PNPT1: variants seen among roughly 807,000 people sequenced by gnomAD.
PNPT1 encodes the protein polyribonucleotide nucleotidyltransferase 1, mitochondrial.
In PNPT1, 53 loss-of-function variants were observed where a neutral mutation model predicts 119.5. The observed-to-expected ratio is 0.44, with a 90% CI of 0.36 to 0.56. The LOEUF (loss-of-function observed/expected upper bound fraction) is 0.56, where lower values mean the gene tolerates loss of function less well. PNPT1 is among the 20% of genes least tolerant of loss of function. PNPT1 has a pLI of 0.00. For synonymous variants in PNPT1, 357 were observed against 322.1 expected (o/e 1.11, Z -1.16); for missense variants, 948 against 938.5 (o/e 1.01, Z -0.13).
intron 23 of PNPT1, 82 bp from the exon 24 acceptor site, chr2:55,643,507 G>T (rs1458768380): frequency 4.2e-6 from 5 of 1,191,296 alleles, no homozygotes; most frequent in Non-Finnish European, 4.9e-6. Context: ...CACTCTGGGG[G>T]GCTGAGGTGG....
chr2:55,658,866 A>C (rs1696472859), intron 15 of PNPT1, among the ~76,000 whole-genome samples: 1 of 152,252 alleles, frequency 6.6e-6, no homozygotes, highest in Non-Finnish European at 1.5e-5. Flanking sequence ...ATTCAGCAAG[A>C]GTGAAATGCT....
chr2:55,656,627 A>G (rs2104074282), intron 15 of PNPT1, among the ~76,000 whole-genome samples: 1 of 152,324 alleles, frequency 6.6e-6, no homozygotes, highest in South Asian at 2.1e-4. Context: ...TACACCATAA[A>G]TTTCCATTAC....
At chr2:55,681,455 C>T (rs945350067) in intron 5 of PNPT1, among the ~76,000 whole-genome samples, 1 of 151,974 alleles carries the variant, frequency 6.6e-6, no homozygotes, top group African/African-American at 2.4e-5. Flanking sequence ...CCAAAGGGTT[C>T]CTATGAGAAT....
chr2:55,678,653 T>G (rs1204260594), intron 8 of PNPT1, among the ~76,000 whole-genome samples: 1 of 152,210 alleles, frequency 6.6e-6, no homozygotes, highest in East Asian at 1.9e-4. Flanking sequence ...AAAAGGAATC[T>G]AGATTTCTTA....
In PNPT1 at chr2:55,693,721, C is replaced by G; in HGVS notation, c.103G>C (p.Val35Leu). The stretch of plus-strand genomic sequence containing the variant: ...CCTGCGCTACTCCATAGTGCTCGCA[C>G]TTGCAACTGGGTGAGTGCCCGATCC... ...RRDRALTQLQVRALWSSAGSR... is the reference protein window; with the variant it reads ...RRDRALTQLQLRALWSSAGSR... The change falls in exon 1 of 28, where the codon GTG becomes CTG. Residue 35 changes from valine to leucine, a missense_variant. Physicochemically the swap from Val to Leu is conservative, Grantham distance 32. Transcript: ENST00000447944. 1 of 1,614,232 alleles carries G rather than the reference C, an allele frequency of 6.2e-7. No individual in the cohort carries two copies. The highest frequency in any genetic ancestry group is 8.5e-7 in the Non-Finnish European group (1 of 1,180,040).
rs1697402387 is a variant in PNPT1, at chr2:55,686,238, T to C, written c.297+132A>G. ...TTTATACTCTTTTAATGAATCAGTA[T>C]CAAAAAACTAGGAAAAATTCTTTGT... On this transcript the variant is annotated intron_variant, in intron 3 of 27. Transcript: ENST00000447944. 6.9e-6 allele frequency: 5 copies of C among 725,558 alleles called. No individual in the cohort carries two copies. In the East Asian group the frequency reaches 1.2e-4, roughly 17 times the overall value. The allele number at this position is 725,558 out of a possible 1,614,324, so 44.9% of individuals were successfully genotyped here.
intron 5 of PNPT1, among the ~76,000 whole-genome samples, chr2:55,683,383 G>A (rs576692289): frequency 6.6e-6 from 1 of 151,544 alleles, no homozygotes; most frequent in South Asian, 2.1e-4. Flanking sequence ...GGGAGGCCGA[G>A]GGGGGCGGAT....
intron 1 of PNPT1, 77 bp downstream of exon 1, chr2:55,693,586 C>T: frequency 1.3e-6 from 2 of 1,572,682 alleles, no homozygotes; most frequent in South Asian, 1.1e-5. Flanking sequence ...CGGGTTTCTA[C>T]CCTGGGAGAT....
chr2:55,640,489 C>T (rs1695803426), intron 26 of PNPT1, 138 bp downstream of exon 26: 2 of 759,064 alleles, frequency 2.6e-6, no homozygotes, highest in Admixed American at 3.0e-5. Flanking sequence ...AACTTTTTGC[C>T]AGCAGCATCT....
intron 12 of PNPT1, among the ~76,000 whole-genome samples, chr2:55,667,301 A>C (rs1213089693): frequency 6.6e-6 from 1 of 151,792 alleles, no homozygotes; most frequent in Admixed American, 6.6e-5. Flanking sequence ...TTGTTAAAAA[A>C]CTCTACAGGT....
chr2:55,687,876 A>C (rs930334336), intron 1 of PNPT1, among the ~76,000 whole-genome samples, 171 bp from the exon 2 acceptor site: 2 of 152,204 alleles, frequency 1.3e-5, no homozygotes, highest in Admixed American at 6.5e-5. Context: ...AGTGGAATTT[A>C]AGAGTGGCTT....
intron 26 of PNPT1, among the ~76,000 whole-genome samples, chr2:55,638,751 C>G (rs1412867692): frequency 6.6e-6 from 1 of 152,132 alleles, no homozygotes; most frequent in South Asian, 2.1e-4. Context: ...AATGGACCCT[C>G]TGTGCTTACT....
rs547335931 is a variant in PNPT1 at position 55,679,909 on chromosome 2, T to C, written c.566-114A>G. The C allele has an allele frequency of 6.3e-4, 445 of 710,182 alleles. 1 individual carries two copies. The highest frequency in any genetic ancestry group is 9.5e-4 in the Non-Finnish European group (411 of 433,372). The allele number at this position is 710,182 out of a possible 1,614,324, so 44.0% of individuals were successfully genotyped here. A position where few individuals can be genotyped will look rare whatever the true frequency, so the allele number is the denominator to read the frequency against. On this transcript the variant is annotated intron_variant, in intron 7 of 27. Coordinates refer to ENST00000447944, the MANE Select transcript of PNPT1 (RefSeq NM_033109.5). The stretch of plus-strand genomic sequence containing the variant: ...GATTGTGACCACAGAATAAAATCCA[T>C]GTTTCTACACGGTATTTAAGACCCA...
chr2:55,690,133 T>C (rs2104193052), intron 1 of PNPT1, among the ~76,000 whole-genome samples: 1 of 152,224 alleles, frequency 6.6e-6, no homozygotes, highest in East Asian at 1.9e-4. Context: ...AGTTGTACAC[T>C]TTAAATTAAC....
intron 13 of PNPT1, among the ~76,000 whole-genome samples, chr2:55,663,190 G>A (rs1439239509): frequency 6.6e-6 from 1 of 152,144 alleles, no homozygotes; most frequent in Admixed American, 6.6e-5. Flanking sequence ...GGCGACAAAA[G>A]ATTTTTAACA....
chr2:55,645,909 C>T (rs2104033642), intron 21 of PNPT1, among the ~76,000 whole-genome samples: 1 of 152,176 alleles, frequency 6.6e-6, no homozygotes, highest in African/African-American at 2.4e-5. Context: ...CTCACTGTAA[C>T]CTCTGCCTCC....
chr2:55,681,958 G>A (rs1011027508), intron 5 of PNPT1, among the ~76,000 whole-genome samples: 14 of 151,794 alleles, frequency 9.2e-5, no homozygotes, highest in Non-Finnish European at 1.0e-4. Flanking sequence ...TGCCTAACAC[G>A]GTGAAACCCC....
chr2:55,681,387 C>T (rs527525156), intron 5 of PNPT1, among the ~76,000 whole-genome samples: 1 of 151,076 alleles, frequency 6.6e-6, no homozygotes, highest in Non-Finnish European at 1.5e-5. Flanking sequence ...AGCCTGGGTG[C>T]CAGAGTGAGA....
intron 8 of PNPT1, among the ~76,000 whole-genome samples, chr2:55,676,147 C>A (rs1287327349): frequency 1.3e-5 from 2 of 150,350 alleles, no homozygotes; most frequent in African/African-American, 2.5e-5. Flanking sequence ...GTAGTCCCAG[C>A]TACTTGGGAG....
Sources: allele counts gnomAD v4.1 joint callset (sites outside exome capture counted in the v4.1 genomes callset), GRCh38; gene constraint gnomAD v4.1.1; transcripts MANE v1.5; gene names NCBI Gene and HGNC (gene_info 2026-07-23, HGNC 2026-07-21).